Variants in RBM27 observed in about 807,000 individuals in gnomAD.
RBM27 encodes the protein RNA-binding protein 27.
RBM27 carries 22 observed loss-of-function variants against 135.3 expected under a neutral mutation model. The observed-to-expected ratio is 0.16, with a 90% confidence interval of 0.12 to 0.23. RBM27 has a LOEUF of 0.23. Among genes scored for constraint, RBM27 ranks in the 10% least tolerant of loss-of-function variants. RBM27 has a pLI of 1.00. For missense variants in RBM27, 1,009 were observed against 1,281.0 expected, an observed-to-expected ratio of 0.79 and a Z score of 3.24; for synonymous variants, 481 against 442.4, an observed-to-expected ratio of 1.09 and a Z score of -1.10.
At chr5:146,238,950 T>C (rs1163711202) in intron 8 of RBM27, among the ~76,000 whole-genome samples, 1 of 152,210 alleles carries the variant, frequency 6.6e-6, no homozygotes, top group Non-Finnish European at 1.5e-5. Context: ...AATTAATACA[T>C]CTAAAGCATC....
chr5:146,255,329 A>T (rs1758058464), intron 10 of RBM27, among the ~76,000 whole-genome samples: 1 of 152,152 alleles, frequency 6.6e-6, no homozygotes, highest in South Asian at 2.1e-4. Flanking sequence ...TACTAATATT[A>T]TTTAACTGCT....
At chr5:146,224,483 A>G (rs1031993773) in intron 3 of RBM27, among the ~76,000 whole-genome samples, 4 of 152,130 alleles carry the variant, frequency 2.6e-5, no homozygotes, top group Non-Finnish European at 5.9e-5. Flanking sequence ...GAAGTTTGAG[A>G]TCAGCCTGGC....
intron 6 of RBM27, among the ~76,000 whole-genome samples, chr5:146,232,055 A>C (rs1261500184): frequency 6.6e-6 from 1 of 152,220 alleles, no homozygotes; most frequent in African/African-American, 2.4e-5. Context: ...GGAAGTATTT[A>C]TATATTCATA....
chr5:146,262,212 G>A (rs747581702), intron 13 of RBM27, among the ~76,000 whole-genome samples: 8 of 152,272 alleles, frequency 5.3e-5, no homozygotes, highest in Admixed American at 2.0e-4. Flanking sequence ...TATTTAACAA[G>A]TACTCTTAAG....
intron 1 of RBM27, among the ~76,000 whole-genome samples, chr5:146,212,088 C>T: frequency 6.6e-6 from 1 of 151,890 alleles, no homozygotes; most frequent in Non-Finnish European, 1.5e-5. Flanking sequence ...TGGAGTCTTG[C>T]TCTGTCACCC....
intron 1 of RBM27, among the ~76,000 whole-genome samples, chr5:146,215,135 T>C (rs1254074862): frequency 2.6e-5 from 4 of 152,146 alleles, no homozygotes; most frequent in Non-Finnish European, 5.9e-5. Context: ...CTGCAACCTC[T>C]GCCTCCCAGG....
At chr5:146,280,314 C>T (rs1214664552) in intron 19 of RBM27, among the ~76,000 whole-genome samples, 1 of 152,128 alleles carries the variant, frequency 6.6e-6, no homozygotes, top group East Asian at 1.9e-4. Flanking sequence ...GCCTCAGCCT[C>T]AAAGGGCTGG....
chr5:146,227,998 A>G (rs1336256495), intron 3 of RBM27, among the ~76,000 whole-genome samples: 1 of 152,170 alleles, frequency 6.6e-6, no homozygotes, highest in African/African-American at 2.4e-5. Context: ...AATGAGGAAA[A>G]CATAACCGTT....
intron 19 of RBM27, among the ~76,000 whole-genome samples, chr5:146,277,727 T>A (rs965861089): frequency 7.2e-6 from 1 of 138,244 alleles, no homozygotes; most frequent in South Asian, 2.3e-4. Context: ...AGAGGCGGGG[T>A]TTCACCATGT....
intron 8 of RBM27, among the ~76,000 whole-genome samples, chr5:146,249,356 T>A (rs899040118): frequency 6.6e-6 from 1 of 152,150 alleles, no homozygotes; most frequent in South Asian, 2.1e-4. Flanking sequence ...TGCCATTGAT[T>A]GTGTGCTTAC....
chr5:146,256,307 T>TTA (rs915534106), intron 10 of RBM27, among the ~76,000 whole-genome samples: 66 of 146,990 alleles, frequency 4.5e-4, no homozygotes, highest in African/African-American at 1.6e-3. Flanking sequence ...TATATATTAT[T>TTA]TATATATATA....
At chr5:146,279,243 A>G (rs1759225666) in intron 19 of RBM27, among the ~76,000 whole-genome samples, 1 of 150,894 alleles carries the variant, frequency 6.6e-6, no homozygotes, top group Non-Finnish European at 1.5e-5. Context: ...AGGTCAGGAG[A>G]TTGAGACCAT....
At chr5:146,224,733 G>A (rs555537059) in intron 3 of RBM27, among the ~76,000 whole-genome samples, 9 of 151,894 alleles carry the variant, frequency 5.9e-5, no homozygotes, top group East Asian at 3.9e-4. Flanking sequence ...CCCATATGAC[G>A]TCTATCTAGA....
chr5:146,271,083 C>A, intron 18 of RBM27, 25 bp downstream of exon 18: 1 of 1,554,718 alleles, frequency 6.4e-7, no homozygotes, highest in Non-Finnish European at 8.9e-7. Flanking sequence ...GAGTTAGCGC[C>A]CCACCACATT....
At chr5:146,247,524 ACTT>A (rs1203923027) in intron 8 of RBM27, among the ~76,000 whole-genome samples, 1 of 151,958 alleles carries the variant, frequency 6.6e-6, no homozygotes, top group African/African-American at 2.4e-5. Context: ...AATATCCTTT[ACTT>A]CTTTTTTTTT....
In RBM27 at chr5:146,235,760, CA is replaced by C. The variant is rs1201060801; in HGVS notation, c.1145-1537del. Among the ~76,000 whole-genome samples, 3 of 151,754 alleles carry C rather than the reference CA, an allele frequency of 2.0e-5. No individual in the cohort carries two copies. The East Asian group carries it at 5.8e-4, about 29-fold the overall frequency. Reference sequence around the variant, plus strand: ...AGTGGGGAGATCTTGGCTCACGACTCACTGCAACCTCCGCCTCCCAGGCTTG... The same window carrying C: ...AGTGGGGAGATCTTGGCTCACGACTCCTGCAACCTCCGCCTCCCAGGCTTG... On this transcript the variant is annotated intron_variant, in intron 7 of 20. Transcript: ENST00000265271.
At chr5:146,232,779 G>C (rs1195392983) in intron 6 of RBM27, among the ~76,000 whole-genome samples, 1 of 152,148 alleles carries the variant, frequency 6.6e-6, no homozygotes, top group African/African-American at 2.4e-5. Flanking sequence ...ATGTTGGTCA[G>C]GATGGTCTCA....
At chr5:146,209,655 A>G (rs1486498214) in intron 1 of RBM27, among the ~76,000 whole-genome samples, 1 of 152,154 alleles carries the variant, frequency 6.6e-6, no homozygotes, top group Non-Finnish European at 1.5e-5. Context: ...ATTATCTAGC[A>G]ATTTTTGGAG....
At chr5:146,239,546 C>T (rs1186471490) in intron 8 of RBM27, among the ~76,000 whole-genome samples, 1 of 138,138 alleles carries the variant, frequency 7.2e-6, no homozygotes, top group Non-Finnish European at 1.5e-5. Context: ...GGTGCAATCT[C>T]AACTCCCTGC....
Sources: gnomAD v4.1 joint callset for allele counts (sites outside exome capture counted in the v4.1 genomes callset) on GRCh38, gnomAD v4.1.1 for gene constraint, MANE v1.5 for transcripts, NCBI Gene and HGNC (gene_info 2026-07-23, HGNC 2026-07-21) for gene names.